The following TNKS variants were observed in gnomAD, a reference collection of about 807,000 sequenced individuals.
The protein encoded by TNKS is tankyrase.
TNKS carries 72 observed loss-of-function variants against 135.8 expected under a neutral mutation model. The observed-to-expected ratio is 0.53, with a 90% CI of 0.44 to 0.64. TNKS has a LOEUF of 0.64. Among genes scored for constraint, TNKS ranks in the 30% least tolerant of loss-of-function variants. The pLI, the probability that TNKS is intolerant of heterozygous loss-of-function variation, is 0.00. For synonymous variants in TNKS, 849 were observed against 649.3 expected, an observed-to-expected ratio of 1.31 and a Z score of -4.68; for missense variants, 1,769 against 1,674.0, an observed-to-expected ratio of 1.06 and a Z score of -0.99.
intron 3 of TNKS, among the ~76,000 whole-genome samples, chr8:9,636,544 T>C (rs1375351056): frequency 1.3e-5 from 2 of 152,184 alleles, no homozygotes; most frequent in Non-Finnish European, 2.9e-5. Flanking sequence ...AAGTTAAAAG[T>C]TCCCAGGCCT....
At chr8:9,754,629 C>T (rs973863136) in intron 20 of TNKS, among the ~76,000 whole-genome samples, 1 of 151,836 alleles carries the variant, frequency 6.6e-6, no homozygotes, top group Non-Finnish European at 1.5e-5. Flanking sequence ...TTATTTTTAC[C>T]CTCTTACTAG....
chr8:9,678,350 C>T (rs566011789), intron 3 of TNKS, among the ~76,000 whole-genome samples: 2 of 152,188 alleles, frequency 1.3e-5, no homozygotes, highest in East Asian at 3.9e-4. Flanking sequence ...AGGTCTTGGG[C>T]TTTGGGAAGG....
In TNKS at chr8:9,751,761, C is replaced by T. The variant is rs757166385; in HGVS notation, c.2985C>T (p.Leu995=). 2.5e-6 allele frequency: 4 copies of T among 1,614,214 alleles called. No homozygotes were observed. Among genetic ancestry groups the T allele is most frequent in the South Asian group, 2.2e-5 (2 of 91,088 alleles). ...CGGCTGCCAGCAGCATAGACAACCT[C>T]ACTGGCCCTTTAGCAGAGTTGGCCG... is the stretch of plus-strand genomic sequence containing the variant. The part of the protein sequence containing the change: ...CLSAASSIDN[L]TGPLAELAVG... Residue 995 remains leucine (L), a synonymous_variant, in exon 19 of 27, where the codon CTC becomes CTT. Coordinates refer to ENST00000310430, the MANE Select transcript of TNKS (RefSeq NM_003747.3).
At chr8:9,773,735 T>A (rs538127923) in intron 26 of TNKS, among the ~76,000 whole-genome samples, 11 of 150,304 alleles carry the variant, frequency 7.3e-5, no homozygotes, top group African/African-American at 2.2e-4. Flanking sequence ...AAAAAAAAAA[T>A]GCCTAAATAA....
At chr8:9,640,724 G>T (rs959538434) in intron 3 of TNKS, among the ~76,000 whole-genome samples, 5 of 145,822 alleles carry the variant, frequency 3.4e-5, no homozygotes, top group African/African-American at 1.3e-4. Flanking sequence ...AGGTCATGTT[G>T]TTCTCTGGTT....
chr8:9,752,513 T>C lies in TNKS; in HGVS notation c.3071-31T>C, dbSNP rs754617661. On this transcript the variant is annotated intron_variant, in intron 19 of 26. Transcript: ENST00000310430. ...TTTTCTTTATATTTAGAGAATTCTTTCTGAGAATCTTTAATATGTTTCTGT... is the reference window on the plus strand; with the variant it reads ...TTTTCTTTATATTTAGAGAATTCTTCCTGAGAATCTTTAATATGTTTCTGT... The C allele has an allele frequency of 9.8e-6, 15 of 1,528,862 alleles. No homozygotes were observed. The South Asian group carries it at 1.7e-4, about 18-fold the overall frequency. 94.7% of individuals were successfully genotyped at this position (1,528,862 alleles called of 1,614,324 possible).
intron 11 of TNKS, among the ~76,000 whole-genome samples, chr8:9,720,068 C>G (rs1804798040): frequency 6.6e-6 from 1 of 152,128 alleles, no homozygotes. Context: ...AATACCAGAC[C>G]AGAGTTGCTG....
intron 17 of TNKS, chr8:9,743,700 C>CT (rs1450500554): frequency 8.5e-5 from 13 of 153,240 alleles, no homozygotes; most frequent in Admixed American, 6.5e-5. Flanking sequence ...CCGGCCTAGG[C>CT]AACATAGCGA....
intron 5 of TNKS, among the ~76,000 whole-genome samples, chr8:9,704,233 A>G (rs1179007438): frequency 6.6e-6 from 1 of 152,170 alleles, no homozygotes; most frequent in East Asian, 1.9e-4. Flanking sequence ...TGAGAGCTAG[A>G]TCTTTAGATA....
chr8:9,605,312 A>G (rs779538969), intron 2 of TNKS, among the ~76,000 whole-genome samples: 1 of 151,996 alleles, frequency 6.6e-6, no homozygotes, highest in Non-Finnish European at 1.5e-5. Context: ...TGGAGATTTC[A>G]TCCCTGTTGT....
chr8:9,568,550 G>A (rs1797636951), intron 1 of TNKS, among the ~76,000 whole-genome samples: 1 of 152,108 alleles, frequency 6.6e-6, no homozygotes, highest in Non-Finnish European at 1.5e-5. Flanking sequence ...GTAAATATGT[G>A]TAAACAACAT....
At chr8:9,757,028 G>A (rs1469055893) in intron 20 of TNKS, among the ~76,000 whole-genome samples, 1 of 152,118 alleles carries the variant, frequency 6.6e-6, no homozygotes, top group East Asian at 1.9e-4. Context: ...CCAGGCTGGA[G>A]TGCAGTGGCG....
Position 9,748,143 on chromosome 8 carries a change from C to A in TNKS, c.2763C>A (p.Leu921=). 1 of 1,614,152 alleles carries A rather than the reference C, an allele frequency of 6.2e-7. No individual in the cohort carries two copies. The highest frequency in any genetic ancestry group is 8.5e-7 in the Non-Finnish European group (1 of 1,180,014). Residue 921 remains leucine, a synonymous_variant, in exon 18 of 27, where the codon CTC becomes CTA. Transcript: ENST00000310430. The stretch of plus-strand genomic sequence containing the variant: ...AAGGAAGGACGCAGCTGTGCGCCCT[C>A]CTCCTAGCGCATGGTGCAGACCCCA... ...AQKGRTQLCA[L]LLAHGADPTM...
At chr8:9,572,335 A>G (rs1434148327) in intron 1 of TNKS, among the ~76,000 whole-genome samples, 1 of 152,210 alleles carries the variant, frequency 6.6e-6, no homozygotes, top group Admixed American at 6.5e-5. Context: ...TCTTTCTGAA[A>G]GACTATGGCC....
chr8:9,726,957 C>T (rs1428972143), intron 13 of TNKS, among the ~76,000 whole-genome samples: 1 of 152,088 alleles, frequency 6.6e-6, no homozygotes, highest in Non-Finnish European at 1.5e-5. Context: ...TGGATATATA[C>T]ATACACACAC....
In TNKS at chr8:9,598,661, A is replaced by G. The variant is rs73537918; in HGVS notation, c.899-16921A>G. ...CAGTGAGCTGAGATTGCACCATGCC[A>G]CTGCAGTCTAGCCTGGGCCACAGAG... On this transcript the variant is annotated intron_variant, in intron 2 of 26. Transcript: ENST00000310430. Among the ~76,000 whole-genome samples the G allele has an allele frequency of 2.8e-3, 418 of 150,086 alleles. 2 individuals are homozygous for G. The highest frequency in any genetic ancestry group is 9.4e-3 in the African/African-American group (384 of 40,834).
intron 1 of TNKS, among the ~76,000 whole-genome samples, chr8:9,573,990 A>G (rs1052916676): frequency 6.6e-6 from 1 of 152,222 alleles, no homozygotes; most frequent in African/African-American, 2.4e-5. Flanking sequence ...TGGAGAATAG[A>G]TACCAGTGAC....
At chr8:9,663,744 T>G (rs1801846594) in intron 3 of TNKS, among the ~76,000 whole-genome samples, 1 of 152,174 alleles carries the variant, frequency 6.6e-6, no homozygotes, top group Admixed American at 6.5e-5. Context: ...ACCAGTTTAT[T>G]ATAAAGGAAT....
At chr8:9,660,812 T>C (rs1213552504) in intron 3 of TNKS, among the ~76,000 whole-genome samples, 6 of 152,278 alleles carry the variant, frequency 3.9e-5, no homozygotes, top group Admixed American at 2.0e-4. Flanking sequence ...TGTTTGCAGA[T>C]GACATGATTG....
Sources: gnomAD v4.1 joint callset for allele counts (sites outside exome capture counted in the v4.1 genomes callset) on GRCh38, gnomAD v4.1.1 for gene constraint, MANE v1.5 for transcripts, NCBI Gene and HGNC (gene_info 2026-07-23, HGNC 2026-07-21) for gene names.